Variants in MEGF6 observed in about 807,000 individuals in gnomAD.
MEGF6 encodes multiple EGF like domains 6.
A neutral mutation model predicts 207.1 loss-of-function variants in MEGF6; 184 were observed. The observed-to-expected ratio is 0.89, with a 90% CI of 0.79 to 1.00. The LOEUF is 1.00. MEGF6 is among the 50% of genes least tolerant of loss of function. The pLI is 0.00. For synonymous variants in MEGF6, 1,038 were observed against 910.0 expected, an observed-to-expected ratio of 1.14 and a Z score of -2.53; for missense variants, 2,282 against 2,202.9, an observed-to-expected ratio of 1.04 and a Z score of -0.72.
upstream of MEGF6, among the ~76,000 whole-genome samples, chr1:3,612,191 C>T (rs1437410445): frequency 2.6e-5 from 4 of 152,126 alleles, no homozygotes; most frequent in African/African-American, 4.8e-5. Context: ...ATCCCCGTTC[C>T]TCTTTCTGTG....
At chr1:3,517,299 C>A (rs751530309) in intron 5 of MEGF6, among the ~76,000 whole-genome samples, 8 of 152,198 alleles carry the variant, frequency 5.3e-5, no homozygotes, top group Non-Finnish European at 8.8e-5. Flanking sequence ...CTTCTCATCA[C>A]CCCCTCCAGA....
At chr1:3,512,251 C>G in intron 7 of MEGF6, 123 bp from the exon 8 acceptor site, 1 of 1,303,858 alleles carries the variant, frequency 7.7e-7, no homozygotes, top group Non-Finnish European at 1.0e-6. Flanking sequence ...CACAGGCATT[C>G]AAGGCCAATC....
intron 4 of MEGF6, among the ~76,000 whole-genome samples, chr1:3,555,618 G>C (rs1163071041): frequency 6.6e-6 from 1 of 152,208 alleles, no homozygotes; most frequent in Non-Finnish European, 1.5e-5. Flanking sequence ...TGGCTGCAAA[G>C]GGGGCCCCAG....
intron 35 of MEGF6, among the ~76,000 whole-genome samples, chr1:3,492,290 T>C (rs1214211319): frequency 1.3e-5 from 2 of 152,078 alleles, no homozygotes; most frequent in Admixed American, 1.3e-4. Flanking sequence ...ATCCACACTG[T>C]GGATGGTCCA....
At chr1:3,491,170 C>T (rs931576152) in intron 35 of MEGF6, among the ~76,000 whole-genome samples, 2 of 152,018 alleles carry the variant, frequency 1.3e-5, no homozygotes, top group African/African-American at 4.8e-5. Context: ...AAGCTCTCAG[C>T]CCCTCCAAGC....
chr1:3,617,343 C>T, the MEGF6 span, among the ~76,000 whole-genome samples: 1 of 94,212 alleles, frequency 1.1e-5, no homozygotes, highest in African/African-American at 4.2e-5. Context: ...CGTTGGCCCA[C>T]ATCCTCCCCT....
chr1:3,579,418 G>A (rs757290040), intron 4 of MEGF6, among the ~76,000 whole-genome samples: 3 of 152,128 alleles, frequency 2.0e-5, no homozygotes, highest in Non-Finnish European at 2.9e-5. Flanking sequence ...CAGTCGCCTT[G>A]GCTAAGACCC....
intron 3 of MEGF6, among the ~76,000 whole-genome samples, chr1:3,591,905 G>T (rs1643986458): frequency 6.6e-6 from 1 of 151,936 alleles, no homozygotes; most frequent in South Asian, 2.1e-4. Flanking sequence ...CTGCTACCAA[G>T]GTCTCGTAGC....
rs1164829412 is a variant in MEGF6 at position 3,488,907 on chromosome 1, TCTTA to T, written c.*1617_*1620del. The stretch of plus-strand genomic sequence containing the variant: ...TCGTCGTTGCTTCATGTCAATGACT[TCTTA>T]CTTTTGTATTTTGCAGTTAGATGGA... On this transcript the variant is annotated 3_prime_UTR_variant, in exon 37 of 37. Coordinates refer to ENST00000356575, the MANE Select transcript of MEGF6 (RefSeq NM_001409.4). Among the ~76,000 whole-genome samples, 1 of 152,232 alleles carries T rather than the reference TCTTA, an allele frequency of 6.6e-6. No individual in the cohort carries two copies. Among genetic ancestry groups the T allele is most frequent in the Non-Finnish European group, 1.5e-5 (1 of 68,032 alleles).
At chr1:3,605,143 G>A (rs1644224056) in intron 1 of MEGF6, among the ~76,000 whole-genome samples, 1 of 130,904 alleles carries the variant, frequency 7.6e-6, no homozygotes, top group Admixed American at 8.0e-5. Context: ...CCCACACACA[G>A]TCACACACTC....
In MEGF6 at chr1:3,496,788, A is replaced by T; in HGVS notation, c.3614-5T>A. On this transcript the variant is annotated splice_region_variant and splice_polypyrimidine_tract_variant and intron_variant, in intron 28 of 36. Coordinates refer to ENST00000356575, the MANE Select transcript of MEGF6 (RefSeq NM_001409.4). ...CATACCGCCCGGGCGGACATCCTGC[A>T]GGGAGAGGGGCTAGCTGCAGGGGCT... The T allele has an allele frequency of 6.4e-7, 1 of 1,554,592 alleles. No individual in the cohort carries two copies. Among genetic ancestry groups the T allele is most frequent in the Non-Finnish European group, 8.7e-7 (1 of 1,149,412 alleles).
intron 4 of MEGF6, among the ~76,000 whole-genome samples, chr1:3,579,367 G>A (rs1643735422): frequency 6.6e-6 from 1 of 152,240 alleles, no homozygotes. Flanking sequence ...TTCAGGGCCT[G>A]TGCGGGAGTC....
chr1:3,599,319 G>A (rs1557809081), intron 2 of MEGF6, among the ~76,000 whole-genome samples: 1 of 152,232 alleles, frequency 6.6e-6, no homozygotes, highest in Non-Finnish European at 1.5e-5. Flanking sequence ...GTCCAGGGCA[G>A]GAGGGTGACC....
At chr1:3,540,902 G>C (rs1642494749) in intron 4 of MEGF6, among the ~76,000 whole-genome samples, 1 of 152,234 alleles carries the variant, frequency 6.6e-6, no homozygotes, top group Non-Finnish European at 1.5e-5. Flanking sequence ...CGCGGCACCA[G>C]ATGTTTGTGG....
intron 20 of MEGF6, 89 bp from the exon 21 acceptor site, chr1:3,500,853 T>C: frequency 3.8e-6 from 6 of 1,594,310 alleles, no homozygotes; most frequent in South Asian, 1.1e-5. Context: ...GTCTCAGGAC[T>C]GGGGCAAGGC....
intron 34 of MEGF6, chr1:3,493,134 AG>A (rs140620764): frequency 0.019 from 5,558 of 295,548 alleles, 316 homozygotes; most frequent in African/African-American, 0.11. Flanking sequence ...AAGCAGCCCC[AG>A]CAGGTGAGCC....
intron 23 of MEGF6, 114 bp downstream of exon 23, chr1:3,499,473 AG>A: frequency 2.0e-6 from 3 of 1,474,720 alleles, no homozygotes; most frequent in Non-Finnish European, 2.7e-6. Context: ...CATCACTCTC[AG>A]GGGGGTTGCC....
intron 36 of MEGF6, 51 bp from the exon 37 acceptor site, chr1:3,490,640 A>G: frequency 6.3e-7 from 1 of 1,590,136 alleles, no homozygotes; most frequent in Non-Finnish European, 8.6e-7. Context: ...GGGTGCTCCC[A>G]GAACAGACTG....
chr1:3,609,812 C>A (rs557236992), intron 1 of MEGF6, among the ~76,000 whole-genome samples: 1 of 152,224 alleles, frequency 6.6e-6, no homozygotes, highest in Admixed American at 6.5e-5. Context: ...CCAGGAAGGT[C>A]GCTGACGGTT....
Sources: allele counts gnomAD v4.1 joint callset (sites outside exome capture counted in the v4.1 genomes callset), GRCh38; gene constraint gnomAD v4.1.1; transcripts MANE v1.5; gene names NCBI Gene and HGNC (gene_info 2026-07-23, HGNC 2026-07-21).